MAN1C1: variants seen among roughly 807,000 people sequenced by gnomAD.
MAN1C1 encodes mannosyl-oligosaccharide 1,2-alpha-mannosidase IC.
A neutral mutation model predicts 71.5 loss-of-function variants in MAN1C1; 49 were observed. That is an observed-to-expected ratio of 0.69 (90% CI 0.54 to 0.87). The LOEUF is 0.87. Ranked by LOEUF, MAN1C1 falls within the 40% of genes least tolerant of loss-of-function variation. MAN1C1 has a pLI of 0.00. For synonymous variants in MAN1C1, 352 were observed against 343.7 expected (o/e 1.02, Z -0.27); for missense variants, 743 against 835.0 (o/e 0.89, Z 1.36).
intron 1 of MAN1C1, among the ~76,000 whole-genome samples, chr1:25,684,149 C>T (rs1222923205): frequency 6.6e-6 from 1 of 151,880 alleles, no homozygotes; most frequent in Non-Finnish European, 1.5e-5. Context: ...TTTCTGCTGT[C>T]ATTTATGCTT....
At chr1:25,661,161 G>C (rs886646984) in intron 1 of MAN1C1, among the ~76,000 whole-genome samples, 4 of 152,190 alleles carry the variant, frequency 2.6e-5, no homozygotes, top group African/African-American at 9.7e-5. Flanking sequence ...GCTACATGCA[G>C]AGGGTTAGTT....
At chr1:25,724,016 G>A (rs567383903) in intron 2 of MAN1C1, among the ~76,000 whole-genome samples, 1 of 151,302 alleles carries the variant, frequency 6.6e-6, no homozygotes, top group Admixed American at 6.6e-5. Flanking sequence ...CAGGCCAAAC[G>A]ACTGCCTACC....
intron 1 of MAN1C1, among the ~76,000 whole-genome samples, chr1:25,640,590 GC>G (rs1172182547): frequency 2.0e-5 from 3 of 152,164 alleles, no homozygotes; most frequent in Non-Finnish European, 2.9e-5. Flanking sequence ...TTAGAGAACA[GC>G]CTATAAAATA....
At chr1:25,620,629 C>G (rs148866965) in intron 1 of MAN1C1, among the ~76,000 whole-genome samples, 58 of 152,278 alleles carry the variant, frequency 3.8e-4, no homozygotes, top group African/African-American at 1.3e-3. Flanking sequence ...CTGTTGCTTT[C>G]CTCCCTGGTT....
rs371267999 is a variant in MAN1C1, at chr1:25,748,875, G to A, written c.754-380G>A. 5.3e-5 allele frequency among the ~76,000 whole-genome samples: 8 copies of A among 152,184 alleles called. No individual in the cohort carries two copies. In the East Asian group the frequency reaches 1.2e-3, roughly 22 times the overall value. ...TTGCTGTCTTCCTGCTGAGCCTTGG[G>A]GTCTCCTCCAAGAAGGTGAAGTAGC... On this transcript the variant is annotated intron_variant, in intron 3 of 11. Coordinates refer to ENST00000374332, the MANE Select transcript of MAN1C1 (RefSeq NM_020379.4).
At chr1:25,646,742 T>C (rs781266313) in intron 1 of MAN1C1, among the ~76,000 whole-genome samples, 1 of 152,242 alleles carries the variant, frequency 6.6e-6, no homozygotes, top group Non-Finnish European at 1.5e-5. Flanking sequence ...TGTTGTAGTG[T>C]GTGCGAGAGT....
intron 1 of MAN1C1, among the ~76,000 whole-genome samples, chr1:25,629,806 G>A (rs1013670441): frequency 1.3e-5 from 2 of 151,696 alleles, no homozygotes; most frequent in African/African-American, 4.8e-5. Context: ...TGGATATATA[G>A]TATGCAAATA....
intron 1 of MAN1C1, among the ~76,000 whole-genome samples, chr1:25,619,892 T>C (rs2045180431): frequency 6.6e-6 from 1 of 152,168 alleles, no homozygotes; most frequent in Non-Finnish European, 1.5e-5. Flanking sequence ...TACATATAAA[T>C]TGCATGCATG....
rs199883852 is a variant in MAN1C1 at position 25,753,768 on chromosome 1, ATACC to A, written c.929+196_929+199del. Among the ~76,000 whole-genome samples, 1,272 of 152,256 alleles carry A rather than the reference ATACC, an allele frequency of 8.4e-3. 22 individuals carry two copies. Among genetic ancestry groups the A allele is most frequent in the Middle Eastern group, 0.031 (9 of 294 alleles). Reference sequence around the variant, plus strand: ...GAAACTGAGGCACAGGGAGAGGACCATACCTACCTTGGGAGCCACAGTGAGTCGG... The same window carrying A: ...GAAACTGAGGCACAGGGAGAGGACCATACCTTGGGAGCCACAGTGAGTCGG... On this transcript the variant is annotated intron_variant, in intron 5 of 11. Coordinates refer to ENST00000374332, the MANE Select transcript of MAN1C1 (RefSeq NM_020379.4). The surrounding 1 kb of genome is among the most constrained non-coding windows in gnomAD (Gnocchi z 4.9).
chr1:25,655,453 T>C (rs1050491582), intron 1 of MAN1C1, among the ~76,000 whole-genome samples: 6 of 152,232 alleles, frequency 3.9e-5, no homozygotes, highest in African/African-American at 1.2e-4. Context: ...CTAGTTTAGT[T>C]ACAGGGAACT....
At chr1:25,783,219 C>T (rs1327407220) in intron 11 of MAN1C1, among the ~76,000 whole-genome samples, 1 of 152,188 alleles carries the variant, frequency 6.6e-6, no homozygotes, top group Non-Finnish European at 1.5e-5. Context: ...GAGGAAAAAA[C>T]CCACAACCTG....
chr1:25,777,361 G>T (rs1050376407), intron 8 of MAN1C1, among the ~76,000 whole-genome samples: 8 of 152,236 alleles, frequency 5.3e-5, no homozygotes, highest in African/African-American at 1.7e-4. Context: ...GGTGAGAGCA[G>T]TCTGACCCCC....
chr1:25,738,419 C>T (rs1209572642), intron 2 of MAN1C1, among the ~76,000 whole-genome samples: 1 of 152,210 alleles, frequency 6.6e-6, no homozygotes, highest in African/African-American at 2.4e-5. Context: ...CACTTTAATT[C>T]ATCTTCCTAA....
intron 2 of MAN1C1, among the ~76,000 whole-genome samples, chr1:25,686,916 T>C (rs1324846033): frequency 2.6e-5 from 4 of 151,990 alleles, no homozygotes; most frequent in African/African-American, 9.7e-5. Flanking sequence ...GGCTGTGAAA[T>C]GGTCTTGGAT....
chr1:25,618,065 GC>G lies in MAN1C1; in HGVS notation c.272del (p.Pro91ArgfsTer91). ...TCCCAACCCGGCCCCCGCCGCGCCG[GC>G]CCCGGGCGAGGATGACCCCAGCAGC... ...PPPNPAPAAP[A>X]PGEDDPSSWA... On this transcript the variant is annotated frameshift_variant, in exon 1 of 12. Transcript: ENST00000374332. LOFTEE classifies it high-confidence loss of function. 1 of 1,546,182 alleles carries G rather than the reference GC, an allele frequency of 6.5e-7. No homozygotes were observed. Among genetic ancestry groups the G allele is most frequent in the South Asian group, 1.2e-5 (1 of 84,922 alleles).
At chr1:25,667,852 G>T (rs893746045) in intron 1 of MAN1C1, among the ~76,000 whole-genome samples, 2 of 152,118 alleles carry the variant, frequency 1.3e-5, no homozygotes, top group African/African-American at 2.4e-5. Flanking sequence ...CATCATCACA[G>T]ACCTGGAAAA....
chr1:25,781,142 G>T, intron 10 of MAN1C1, 30 bp downstream of exon 10: 1 of 1,606,498 alleles, frequency 6.2e-7, no homozygotes, highest in Non-Finnish European at 8.5e-7. Flanking sequence ...GGGCAGCAAG[G>T]TGCTAGATGC....
intron 2 of MAN1C1, among the ~76,000 whole-genome samples, chr1:25,723,763 A>G (rs943407769): frequency 2.6e-5 from 4 of 152,162 alleles, no homozygotes; most frequent in African/African-American, 9.7e-5. Flanking sequence ...GACTTTGTGA[A>G]GATTAGATGG....
chr1:25,709,948 G>C (rs1372601093), intron 2 of MAN1C1: 1 of 152,184 alleles, frequency 6.6e-6, no homozygotes, highest in Admixed American at 6.5e-5. Flanking sequence ...GTTTCACTGT[G>C]TTGGCCAGGC....
Sources: gnomAD v4.1 joint callset for allele counts (sites outside exome capture counted in the v4.1 genomes callset) on GRCh38, gnomAD v4.1.1 for gene constraint, Gnocchi (gnomAD v3.1) non-coding constraint, MANE v1.5 for transcripts, NCBI Gene and HGNC (gene_info 2026-07-23, HGNC 2026-07-21) for gene names.